NKAIN2: variants seen among roughly 807,000 people sequenced by gnomAD.
NKAIN2 encodes the protein sodium/potassium transporting ATPase interacting 2.
Under a neutral mutation model 32.6 loss-of-function variants are expected in NKAIN2, and 14 were observed. The observed-to-expected ratio is 0.43, with a 90% CI of 0.28 to 0.67. The LOEUF is 0.67. Among genes scored for constraint, NKAIN2 ranks in the 30% least tolerant of loss-of-function variants. The pLI is 0.17. For missense variants in NKAIN2, 198 were observed against 258.3 expected, an observed-to-expected ratio of 0.77 and a Z score of 1.60; for synonymous variants, 80 against 87.2, an observed-to-expected ratio of 0.92 and a Z score of 0.46.
At chr6:124,587,920 A>C (rs2114954705) in intron 3 of NKAIN2, among the ~76,000 whole-genome samples, 1 of 152,346 alleles carries the variant, frequency 6.6e-6, no homozygotes, top group South Asian at 2.1e-4. Context: ...AAGCTAACAA[A>C]GTGTAACTAC....
chr6:124,374,638 T>G (rs748208032), intron 3 of NKAIN2, among the ~76,000 whole-genome samples: 3 of 152,162 alleles, frequency 2.0e-5, no homozygotes, highest in African/African-American at 7.2e-5. Context: ...TAATTTTTCT[T>G]TGTTTTTAAA....
intron 3 of NKAIN2, among the ~76,000 whole-genome samples, chr6:124,649,300 GAT>G (rs1477415501): frequency 2.6e-5 from 4 of 152,090 alleles, no homozygotes; most frequent in Admixed American, 2.0e-4. Context: ...TATAACTACA[GAT>G]ATCTGGACAA....
chr6:124,377,252 T>C (rs766258933), intron 3 of NKAIN2, among the ~76,000 whole-genome samples: 1 of 152,232 alleles, frequency 6.6e-6, no homozygotes, highest in Non-Finnish European at 1.5e-5. Flanking sequence ...ATCTACTATT[T>C]CTTTCTTCCT....
rs1789385935 is a variant in NKAIN2 at position 124,180,417 on chromosome 6, G to A, written c.55-102588G>A. The stretch of plus-strand genomic sequence containing the variant: ...TCCTGAGACTTATTCACTACCATGA[G>A]AACAGCATGGGAAAAAACCCACCCC... On this transcript the variant is annotated intron_variant, in intron 1 of 6. Coordinates refer to ENST00000368417, the MANE Select transcript of NKAIN2 (RefSeq NM_001040214.3). Among the ~76,000 whole-genome samples, 5 of 152,128 alleles carry A rather than the reference G, an allele frequency of 3.3e-5. No individual in the cohort carries two copies. The South Asian group carries it at 8.3e-4, about 25-fold the overall frequency.
At chr6:124,410,638 C>G (rs1195773217) in intron 3 of NKAIN2, among the ~76,000 whole-genome samples, 4 of 152,052 alleles carry the variant, frequency 2.6e-5, no homozygotes, top group Non-Finnish European at 4.4e-5. Context: ...TTTTGGAATA[C>G]ATGTGGTGTG....
At chr6:123,857,187 A>G (rs1775587191) in intron 1 of NKAIN2, among the ~76,000 whole-genome samples, 1 of 152,080 alleles carries the variant, frequency 6.6e-6, no homozygotes, top group African/African-American at 2.4e-5. Flanking sequence ...GAACCCCTGG[A>G]GTTCATCATG....
intron 1 of NKAIN2, among the ~76,000 whole-genome samples, chr6:124,251,883 G>C (rs952819556): frequency 6.6e-6 from 1 of 151,894 alleles, no homozygotes; most frequent in Non-Finnish European, 1.5e-5. Flanking sequence ...AAAACCTATA[G>C]AAATTTTTGA....
intron 3 of NKAIN2, among the ~76,000 whole-genome samples, chr6:124,382,865 A>T (rs546445916): frequency 6.6e-6 from 1 of 152,298 alleles, no homozygotes; most frequent in Non-Finnish European, 1.5e-5. Context: ...GAGAAGGAGA[A>T]ACAAAATTAC....
chr6:124,751,364 A>T (rs972663258), intron 4 of NKAIN2, among the ~76,000 whole-genome samples: 3 of 151,988 alleles, frequency 2.0e-5, no homozygotes, highest in African/African-American at 7.2e-5. Context: ...TGTAAAGTAA[A>T]TGCTTAAAGA....
At chr6:123,932,186 T>G (rs2114523549) in intron 1 of NKAIN2, among the ~76,000 whole-genome samples, 1 of 152,272 alleles carries the variant, frequency 6.6e-6, no homozygotes, top group East Asian at 1.9e-4. Context: ...TGGTAAGTGA[T>G]TAAGACTTAG....
chr6:124,184,615 A>G (rs1789616320), intron 1 of NKAIN2, among the ~76,000 whole-genome samples: 1 of 152,188 alleles, frequency 6.6e-6, no homozygotes, highest in African/African-American at 2.4e-5. Context: ...GACTAAGCTA[A>G]TGGATTCACT....
chr6:124,773,002 T>C (rs1413583358), intron 4 of NKAIN2, among the ~76,000 whole-genome samples: 1 of 43,340 alleles, frequency 2.3e-5, no homozygotes, highest in Non-Finnish European at 5.0e-5. Flanking sequence ...CTGAAATTCA[T>C]AAGTAGGTGG....
chr6:124,186,355 A>G (rs1041926728), intron 1 of NKAIN2, among the ~76,000 whole-genome samples: 1 of 152,058 alleles, frequency 6.6e-6, no homozygotes, highest in African/African-American at 2.4e-5. Context: ...AGGTGGGAGG[A>G]CCACTTGAGC....
intron 3 of NKAIN2, among the ~76,000 whole-genome samples, chr6:124,493,088 C>A (rs1777928749): frequency 6.6e-6 from 1 of 151,872 alleles, no homozygotes; most frequent in Admixed American, 6.6e-5. Flanking sequence ...ATGTAAAGGG[C>A]TTAGCACCAT....
At chr6:124,405,413 A>G (rs986171671) in intron 3 of NKAIN2, among the ~76,000 whole-genome samples, 12 of 152,278 alleles carry the variant, frequency 7.9e-5, no homozygotes, top group South Asian at 2.1e-4. Context: ...TTCCTTCCCT[A>G]TCTAGAAATG....
intron 3 of NKAIN2, among the ~76,000 whole-genome samples, chr6:124,575,512 C>T (rs1010851883): frequency 6.6e-5 from 10 of 152,176 alleles, no homozygotes; most frequent in African/African-American, 1.9e-4. Flanking sequence ...TCTTTACTTT[C>T]CATTTTCCTT....
intron 1 of NKAIN2, among the ~76,000 whole-genome samples, chr6:124,008,894 A>G (rs577943835): frequency 1.4e-4 from 22 of 152,300 alleles, no homozygotes; most frequent in Non-Finnish European, 2.8e-4. Flanking sequence ...AATATGTGTA[A>G]CTGCTAACAA....
At chr6:124,545,949 G>C (rs1180988215) in intron 3 of NKAIN2, among the ~76,000 whole-genome samples, 1 of 152,028 alleles carries the variant, frequency 6.6e-6, no homozygotes, top group Non-Finnish European at 1.5e-5. Flanking sequence ...AACATTCAGA[G>C]ACTGCTGTCT....
chr6:124,216,957 A>G (rs991569991), intron 1 of NKAIN2, among the ~76,000 whole-genome samples: 1 of 152,324 alleles, frequency 6.6e-6, no homozygotes, highest in South Asian at 2.1e-4. Context: ...ATAAATAACA[A>G]GAATTGACTG....
Sources: allele counts gnomAD v4.1 joint callset (sites outside exome capture counted in the v4.1 genomes callset), GRCh38; gene constraint gnomAD v4.1.1; transcripts MANE v1.5; gene names NCBI Gene and HGNC (gene_info 2026-07-23, HGNC 2026-07-21).